AMBRA1: variants seen among roughly 807,000 people sequenced by gnomAD.
AMBRA1 encodes the protein activating molecule in BECN1-regulated autophagy protein 1.
In AMBRA1, 47 loss-of-function variants were observed where a neutral mutation model predicts 125.4. The observed-to-expected ratio is 0.37, with a 90% CI of 0.30 to 0.48. The LOEUF is 0.48. Ranked by LOEUF, AMBRA1 falls within the 20% of genes least tolerant of loss-of-function variation. The probability of loss-of-function intolerance (pLI) is 0.99; values close to 1 mark genes in which losing one functional copy is unlikely to be tolerated. For missense variants in AMBRA1, 1,331 were observed against 1,693.4 expected, an observed-to-expected ratio of 0.79 and a Z score of 3.76; for synonymous variants, 626 against 655.5, an observed-to-expected ratio of 0.95 and a Z score of 0.69.
At chr11:46,436,383 T>G (rs1256914917) in intron 12 of AMBRA1, among the ~76,000 whole-genome samples, 2 of 152,256 alleles carry the variant, frequency 1.3e-5, no homozygotes, top group African/African-American at 4.8e-5. Context: ...TAGAATACAT[T>G]GATTAGGCTA....
chr11:46,590,401 G>T (rs2044555090), intron 1 of AMBRA1, among the ~76,000 whole-genome samples: 1 of 151,788 alleles, frequency 6.6e-6, no homozygotes, highest in Non-Finnish European at 1.5e-5. Context: ...CAGCTATTGG[G>T]GAGGGCTACT....
intron 11 of AMBRA1, among the ~76,000 whole-genome samples, chr11:46,467,298 C>T (rs1044105835): frequency 1.3e-5 from 2 of 152,072 alleles, no homozygotes; most frequent in African/African-American, 4.8e-5. Flanking sequence ...CTTTTCTCCC[C>T]CATCCTTCCA....
intron 9 of AMBRA1, among the ~76,000 whole-genome samples, chr11:46,507,983 G>C (rs545727722): frequency 1.3e-5 from 2 of 152,164 alleles, no homozygotes; most frequent in Non-Finnish European, 2.9e-5. Context: ...CTGTCCTCGC[G>C]CGCCAGTGAA....
chr11:46,449,602 A>C (rs1948473439), intron 11 of AMBRA1, among the ~76,000 whole-genome samples: 1 of 152,228 alleles, frequency 6.6e-6, no homozygotes, highest in African/African-American at 2.4e-5. Flanking sequence ...AATTCTTCTC[A>C]GCTGGATCTA....
chr11:46,455,191 TTTTC>T (rs889855798), intron 11 of AMBRA1, among the ~76,000 whole-genome samples: 1 of 152,064 alleles, frequency 6.6e-6, no homozygotes, highest in Non-Finnish European at 1.5e-5. Flanking sequence ...CCAGCATAGG[TTTTC>T]TTTTTCTTTT....
intron 11 of AMBRA1, among the ~76,000 whole-genome samples, chr11:46,459,361 T>G (rs1948994914): frequency 1.3e-5 from 2 of 149,688 alleles, no homozygotes; most frequent in East Asian, 3.9e-4. Flanking sequence ...TTGGTATTAC[T>G]TGAATTATTT....
At chr11:46,482,931 C>G (rs1156649948) in intron 11 of AMBRA1, among the ~76,000 whole-genome samples, 1 of 151,634 alleles carries the variant, frequency 6.6e-6, no homozygotes, top group Non-Finnish European at 1.5e-5. Context: ...ATCATTTGAA[C>G]CTGGGAGGCG....
intron 12 of AMBRA1, among the ~76,000 whole-genome samples, chr11:46,435,300 G>C (rs1211932098): frequency 6.6e-6 from 1 of 152,150 alleles, no homozygotes; most frequent in Non-Finnish European, 1.5e-5. Flanking sequence ...TTCACATTTA[G>C]GAAATACCGC....
intron 1 of AMBRA1, among the ~76,000 whole-genome samples, chr11:46,571,463 C>T (rs2043752585): frequency 6.6e-6 from 1 of 151,824 alleles, no homozygotes; most frequent in Non-Finnish European, 1.5e-5. Context: ...GTGTTTGAGC[C>T]CTAAAGTCCG....
chr11:46,549,828 G>T (rs1368511740), intron 1 of AMBRA1, among the ~76,000 whole-genome samples: 1 of 151,706 alleles, frequency 6.6e-6, no homozygotes, highest in Non-Finnish European at 1.5e-5. Context: ...TCTTTTTTGG[G>T]GGGGGTGGGG....
At chr11:46,478,463 G>A (rs972448641) in intron 11 of AMBRA1, among the ~76,000 whole-genome samples, 12 of 152,134 alleles carry the variant, frequency 7.9e-5, no homozygotes, top group Non-Finnish European at 1.5e-4. Flanking sequence ...TTACCCTCCA[G>A]CACAGAAATA....
intron 17 of AMBRA1, among the ~76,000 whole-genome samples, chr11:46,400,481 T>TG (rs1945693947): frequency 3.1e-5 from 2 of 65,378 alleles, no homozygotes; most frequent in East Asian, 3.0e-4. Flanking sequence ...TAGTTTTTTT[T>TG]TTTTTTTTTT....
intron 1 of AMBRA1, among the ~76,000 whole-genome samples, chr11:46,580,831 A>G (rs545561075): frequency 6.6e-6 from 1 of 152,222 alleles, no homozygotes; most frequent in East Asian, 1.9e-4. Context: ...TTGCTCTGTC[A>G]CCCGGCCTGG....
intron 1 of AMBRA1, among the ~76,000 whole-genome samples, chr11:46,578,045 G>C (rs1433107593): frequency 6.6e-6 from 1 of 152,180 alleles, no homozygotes; most frequent in Non-Finnish European, 1.5e-5. Context: ...CAGGAGGAAA[G>C]CTTGAGTTCA....
chr11:46,479,128 G>C (rs540744124), intron 11 of AMBRA1, among the ~76,000 whole-genome samples: 97 of 152,212 alleles, frequency 6.4e-4, no homozygotes, highest in African/African-American at 2.3e-3. Flanking sequence ...AGCCCAGGAG[G>C]CAGAGGTTGC....
At chr11:46,531,738 C>G (rs999503918) in intron 7 of AMBRA1, among the ~76,000 whole-genome samples, 1 of 150,594 alleles carries the variant, frequency 6.6e-6, no homozygotes, top group Non-Finnish European at 1.5e-5. Context: ...AATGATATCC[C>G]TCCTTCACTC....
chr11:46,400,473 G>GTTTT lies in AMBRA1; in HGVS notation c.3404-2534_3404-2531dup, dbSNP rs553040136. On this transcript the variant is annotated intron_variant, in intron 17 of 17. Coordinates refer to ENST00000683756, the MANE Select transcript of AMBRA1 (RefSeq NM_001387011.1). The stretch of plus-strand genomic sequence containing the variant: ...CCTCATGCTTCTAGTTCTTTCTATA[G>GTTTT]TTTTTTTTTTTTTTTTTTTTTTTTT... Among the ~76,000 whole-genome samples, 65 of 48,892 alleles carry GTTTT rather than the reference G, an allele frequency of 1.3e-3. 22 individuals carry two copies. Among genetic ancestry groups the GTTTT allele is most frequent in the Non-Finnish European group, 2.0e-3 (48 of 24,032 alleles). 32.1% of individuals were successfully genotyped at this position (48,892 alleles called of 152,430 possible).
intron 12 of AMBRA1, among the ~76,000 whole-genome samples, chr11:46,439,932 T>A (rs1204068547): frequency 6.6e-6 from 1 of 151,704 alleles, no homozygotes; most frequent in African/African-American, 2.4e-5. Flanking sequence ...TTTTAACATA[T>A]CAGATTTGCA....
chr11:46,400,172 G>A (rs896440133), intron 17 of AMBRA1, among the ~76,000 whole-genome samples: 1 of 152,168 alleles, frequency 6.6e-6, no homozygotes, highest in Non-Finnish European at 1.5e-5. Flanking sequence ...AAGGCTCTGA[G>A]GCTGCGAGGG....
Sources: gnomAD v4.1 joint callset for allele counts (sites outside exome capture counted in the v4.1 genomes callset) on GRCh38, gnomAD v4.1.1 for gene constraint, MANE v1.5 for transcripts, NCBI Gene and HGNC (gene_info 2026-07-23, HGNC 2026-07-21) for gene names.